PLCL1: variants seen among roughly 807,000 people sequenced by gnomAD.
PLCL1 encodes phospholipase C like 1 (inactive), also known as inactive phospholipase C-like protein 1.
Under a neutral mutation model 84.4 loss-of-function variants are expected in PLCL1, and 41 were observed. The observed-to-expected ratio is 0.49, with a 90% CI of 0.38 to 0.63. PLCL1 has a LOEUF of 0.63. Among genes scored for constraint, PLCL1 ranks in the 30% least tolerant of loss-of-function variants. The probability of loss-of-function intolerance (pLI) is 0.00; values close to 1 mark genes in which losing one functional copy is unlikely to be tolerated. For missense variants in PLCL1, 1,206 were observed against 1,367.8 expected (o/e 0.88, Z 1.87); for synonymous variants, 490 against 488.3 (o/e 1.00, Z -0.05).
At chr2:197,849,501 G>A (rs1323135021) in intron 1 of PLCL1, among the ~76,000 whole-genome samples, 1 of 152,140 alleles carries the variant, frequency 6.6e-6, no homozygotes. Flanking sequence ...AATGATTAAA[G>A]TAATGATTAA....
intron 1 of PLCL1, among the ~76,000 whole-genome samples, chr2:197,868,493 T>G (rs1687588024): frequency 6.6e-6 from 1 of 152,170 alleles, no homozygotes; most frequent in African/African-American, 2.4e-5. Context: ...CAGTTTGTTT[T>G]TAAAAAATTT....
intron 5 of PLCL1, among the ~76,000 whole-genome samples, chr2:198,107,865 G>T (rs1235331784): frequency 1.3e-5 from 2 of 151,854 alleles, no homozygotes; most frequent in Non-Finnish European, 2.9e-5. Context: ...CAAGAGTAGA[G>T]AACATTTCCA....
chr2:197,954,790 A>C (rs192455831), intron 1 of PLCL1, among the ~76,000 whole-genome samples: 1 of 152,170 alleles, frequency 6.6e-6, no homozygotes, highest in Admixed American at 6.6e-5. Flanking sequence ...TCTACATGGC[A>C]GTTAGGAAAG....
chr2:198,061,114 G>C (rs188284988), intron 1 of PLCL1, among the ~76,000 whole-genome samples: 131 of 152,208 alleles, frequency 8.6e-4, no homozygotes, highest in African/African-American at 3.0e-3. Context: ...TGGAATTCTA[G>C]TTCCATATGC....
Position 197,923,556 on chromosome 2 carries a change from G to C in PLCL1, c.240+118217G>C, listed in dbSNP as rs986404761. On this transcript the variant is annotated intron_variant, in intron 1 of 5. Coordinates refer to ENST00000428675, the MANE Select transcript of PLCL1 (RefSeq NM_006226.4). Reference sequence around the variant, plus strand: ...CAGAGTCGCTCCCCACATCTCAGACGATGGGCGGCCGGGCAGAGACGCTCC... The same window carrying C: ...CAGAGTCGCTCCCCACATCTCAGACCATGGGCGGCCGGGCAGAGACGCTCC... 4.1e-5 allele frequency among the ~76,000 whole-genome samples: 6 copies of C among 146,400 alleles called. No individual in the cohort carries two copies. The South Asian group carries it at 1.4e-3, about 33-fold the overall frequency.
intron 1 of PLCL1, among the ~76,000 whole-genome samples, chr2:197,932,427 A>G (rs534432792): frequency 6.6e-6 from 1 of 152,254 alleles, no homozygotes; most frequent in South Asian, 2.1e-4. Context: ...ATAAGTAAAC[A>G]TGTGCCATGG....
In PLCL1 at chr2:197,923,225, C is replaced by T. The variant is rs796368792; in HGVS notation, c.240+117886C>T. ...CGGGGGGCTGACCCCCCACCTCCCT[C>T]CCGGATGGGGCGGCTGGCCGGGCGG... On this transcript the variant is annotated intron_variant, in intron 1 of 5. Transcript: ENST00000428675. Among the ~76,000 whole-genome samples, 68 of 149,376 alleles carry T rather than the reference C, an allele frequency of 4.6e-4. No homozygotes were observed. The South Asian group carries it at 0.012, about 26-fold the overall frequency.
chr2:197,838,937 A>C (rs1691242722), intron 1 of PLCL1, among the ~76,000 whole-genome samples: 1 of 152,242 alleles, frequency 6.6e-6, no homozygotes, highest in Non-Finnish European at 1.5e-5. Flanking sequence ...GACAATGAGT[A>C]AAATTGTGAA....
chr2:197,834,239 A>G (rs1691133874), intron 1 of PLCL1, among the ~76,000 whole-genome samples: 2 of 152,218 alleles, frequency 1.3e-5, no homozygotes, highest in Non-Finnish European at 2.9e-5. Context: ...GGACATGGGC[A>G]TGGGCACAGA....
intron 5 of PLCL1, among the ~76,000 whole-genome samples, chr2:198,121,303 A>T (rs11884454): frequency 6.6e-6 from 1 of 151,728 alleles, no homozygotes; most frequent in African/African-American, 2.4e-5. Flanking sequence ...TGCTGTGCAG[A>T]AACTTTTTAA....
chr2:198,074,857 A>G (rs531186636), intron 1 of PLCL1, among the ~76,000 whole-genome samples: 1 of 152,372 alleles, frequency 6.6e-6, no homozygotes, highest in African/African-American at 2.4e-5. Context: ...AGAATAAAAT[A>G]TAAAAGTATG....
chr2:197,975,821 CCAACAACAA>C (rs1016881020), intron 1 of PLCL1, among the ~76,000 whole-genome samples: 1 of 151,916 alleles, frequency 6.6e-6, no homozygotes, highest in Non-Finnish European at 1.5e-5. Context: ...TCACCCCCAT[CCAACAACAA>C]CAACAACGAC....
At chr2:198,120,913 G>A (rs1693852448) in intron 5 of PLCL1, among the ~76,000 whole-genome samples, 5 of 152,020 alleles carry the variant, frequency 3.3e-5, no homozygotes, top group Admixed American at 3.3e-4. Context: ...CATAGTGGCT[G>A]TACTAATTTA....
intron 1 of PLCL1, among the ~76,000 whole-genome samples, chr2:197,920,278 T>A (rs1000440072): frequency 1.3e-5 from 2 of 151,928 alleles, no homozygotes; most frequent in African/African-American, 4.8e-5. Context: ...GGAAGACTTG[T>A]GTGTATCATC....
chr2:198,018,732 C>A (rs1049169270), intron 1 of PLCL1, among the ~76,000 whole-genome samples: 1 of 152,224 alleles, frequency 6.6e-6, no homozygotes, highest in Admixed American at 6.5e-5. Flanking sequence ...CAGCCCCAGT[C>A]AGGGGATTAT....
chr2:197,964,198 G>A (rs905733636), intron 1 of PLCL1, among the ~76,000 whole-genome samples: 7 of 151,954 alleles, frequency 4.6e-5, no homozygotes, highest in African/African-American at 9.7e-5. Flanking sequence ...TAGTATGAAC[G>A]TTCTAACAGT....
At chr2:198,073,103 T>C (rs1258644927) in intron 1 of PLCL1, among the ~76,000 whole-genome samples, 1 of 152,318 alleles carries the variant, frequency 6.6e-6, no homozygotes, top group Non-Finnish European at 1.5e-5. Flanking sequence ...TAATCTCTAA[T>C]CCAATACTTT....
At chr2:197,891,415 G>C in intron 1 of PLCL1, among the ~76,000 whole-genome samples, 1 of 152,130 alleles carries the variant, frequency 6.6e-6, no homozygotes, top group African/African-American at 2.4e-5. Context: ...TGATTCAGAA[G>C]GTCAAGGGTG....
At chr2:197,995,547 G>A (rs1690440154) in intron 1 of PLCL1, among the ~76,000 whole-genome samples, 1 of 152,062 alleles carries the variant, frequency 6.6e-6, no homozygotes, top group African/African-American at 2.4e-5. Flanking sequence ...GGGTCCTGAG[G>A]GTTTATGAGG....
Sources: allele counts gnomAD v4.1 joint callset (sites outside exome capture counted in the v4.1 genomes callset), GRCh38; gene constraint gnomAD v4.1.1; transcripts MANE v1.5; gene names NCBI Gene and HGNC (gene_info 2026-07-23, HGNC 2026-07-21).